The following PBX1 variants were observed in gnomAD, a reference collection of about 807,000 sequenced individuals.
PBX1 encodes pre-B-cell leukemia transcription factor 1.
A neutral mutation model predicts 53.4 loss-of-function variants in PBX1; 6 were observed. That is an observed-to-expected ratio of 0.11 (90% CI 0.06 to 0.22). The LOEUF (loss-of-function observed/expected upper bound fraction) is 0.22, where lower values mean the gene tolerates loss of function less well. PBX1 is among the 10% of genes least tolerant of loss of function. PBX1 has a pLI of 1.00. For synonymous variants in PBX1, 204 were observed against 212.3 expected, an observed-to-expected ratio of 0.96 and a Z score of 0.34; for missense variants, 251 against 551.4, an observed-to-expected ratio of 0.46 and a Z score of 5.46.
intron 2 of PBX1, among the ~76,000 whole-genome samples, chr1:164,692,419 G>C (rs1404921364): frequency 2.6e-5 from 4 of 152,148 alleles, no homozygotes; most frequent in Non-Finnish European, 4.4e-5. Context: ...GAAAGGGAGG[G>C]TGTGAACTAT....
chr1:164,848,614 C>CCAAA lies in PBX1; in HGVS notation c.*1938_*1939insCAAA. On this transcript the variant is annotated 3_prime_UTR_variant, in exon 9 of 9. Coordinates refer to ENST00000420696, the MANE Select transcript of PBX1 (RefSeq NM_002585.4). ...TTCTTGGTTTTGGTCTGTCTCTTTT[C>CCAAA]TTAGGATAAAGAAAAACTTCCAAAC... 38 of 1,057,330 alleles carry CCAAA rather than the reference C, an allele frequency of 3.6e-5. No individual in the cohort carries two copies. Among genetic ancestry groups the CCAAA allele is most frequent in the Non-Finnish European group, 4.2e-5 (37 of 874,360 alleles). 65.5% of individuals were successfully genotyped at this position (1,057,330 alleles called of 1,614,324 possible). A position where few individuals can be genotyped will look rare whatever the true frequency, so the allele number is the denominator to read the frequency against.
rs545565442 is a variant in PBX1 at position 164,811,980 on chromosome 1, A to C, written c.838-10A>C. The C allele has an allele frequency of 6.2e-7, 1 of 1,605,596 alleles. No homozygotes were observed. The highest frequency in any genetic ancestry group is 1.3e-5 in the African/African-American group (1 of 74,688). ...TGTGAACTTTCTCATCTTCTCTTAA[A>C]CTACTCTAGGTATCAAACTGGTTTG... is the stretch of plus-strand genomic sequence containing the variant. On this transcript the variant is annotated splice_polypyrimidine_tract_variant and intron_variant, in intron 5 of 8. Coordinates refer to ENST00000420696, the MANE Select transcript of PBX1 (RefSeq NM_002585.4).
intron 2 of PBX1, among the ~76,000 whole-genome samples, chr1:164,590,060 T>G (rs531743688): frequency 4.6e-4 from 69 of 151,544 alleles, no homozygotes; most frequent in Non-Finnish European, 8.4e-4. Context: ...GTAATAATAA[T>G]AAGACATCCA....
At chr1:164,571,879 A>ATG (rs1332359387) in intron 2 of PBX1, among the ~76,000 whole-genome samples, 2 of 76,244 alleles carry the variant, frequency 2.6e-5, no homozygotes, top group East Asian at 1.9e-3. Flanking sequence ...CATTGTATAT[A>ATG]TATATATATA....
intron 2 of PBX1, among the ~76,000 whole-genome samples, chr1:164,858,275 G>T (rs1000059126): frequency 6.6e-6 from 1 of 152,048 alleles, no homozygotes; most frequent in East Asian, 1.9e-4. Flanking sequence ...TAGGGACAAA[G>T]AGTCCAAGTA....
chr1:164,698,999 C>T (rs866962500), intron 2 of PBX1, among the ~76,000 whole-genome samples: 1 of 152,174 alleles, frequency 6.6e-6, no homozygotes, highest in South Asian at 2.1e-4. Flanking sequence ...ACTACAACCT[C>T]AGAAGAGGGG....
chr1:164,810,433 G>T (rs1405292510), intron 5 of PBX1, among the ~76,000 whole-genome samples: 3 of 152,068 alleles, frequency 2.0e-5, no homozygotes, highest in Non-Finnish European at 2.9e-5. Flanking sequence ...ATTTAGAAGG[G>T]TATCATTCCC....
At position 164,847,445 on chromosome 1, in the gene PBX1, A is replaced by T; in HGVS notation, c.*769A>T. 8 of 1,063,608 alleles carry T rather than the reference A, an allele frequency of 7.5e-6. No homozygotes were observed. Among genetic ancestry groups the T allele is most frequent in the Non-Finnish European group, 9.1e-6 (8 of 878,180 alleles). 65.9% of individuals were successfully genotyped at this position (1,063,608 alleles called of 1,614,324 possible). ...TTCCTACAGTCTTTCTTACCCTGCT[A>T]GCAATAGCTCTCAGTTTCAGAGGCA... On this transcript the variant is annotated 3_prime_UTR_variant, in exon 9 of 9. Coordinates refer to ENST00000420696, the MANE Select transcript of PBX1 (RefSeq NM_002585.4).
chr1:164,771,236 C>G (rs1417494852), intron 2 of PBX1: 1 of 152,006 alleles, frequency 6.6e-6, no homozygotes, highest in Admixed American at 6.6e-5. Flanking sequence ...TTTCTTGCAA[C>G]AAAATGAGAA....
At chr1:164,761,810 C>CT (rs573057601) in intron 2 of PBX1, among the ~76,000 whole-genome samples, 263 of 152,230 alleles carry the variant, frequency 1.7e-3, no homozygotes, top group African/African-American at 6.2e-3. Context: ...CAGGCTATAC[C>CT]TTTATTTGGA....
At position 164,849,042 on chromosome 1, in the gene PBX1, G is replaced by A; in HGVS notation, c.*2366G>A. On this transcript the variant is annotated 3_prime_UTR_variant, in exon 9 of 9. Coordinates refer to ENST00000420696, the MANE Select transcript of PBX1 (RefSeq NM_002585.4). ...GACAACTTCATAGTGATTAGAATCA[G>A]TGGAGAACTCCATCTTAGTGGCAGG... The A allele has an allele frequency of 7.9e-7, 1 of 1,260,336 alleles. No individual in the cohort carries two copies. The highest frequency in any genetic ancestry group is 1.0e-6 in the Non-Finnish European group (1 of 995,588). 78.1% of individuals were successfully genotyped at this position (1,260,336 alleles called of 1,614,324 possible).
At chr1:164,572,668 C>A (rs1653956401) in intron 2 of PBX1, among the ~76,000 whole-genome samples, 1 of 152,066 alleles carries the variant, frequency 6.6e-6, no homozygotes, top group Admixed American at 6.6e-5. Flanking sequence ...TTTAACAGAG[C>A]TTCAGTGTTC....
intron 2 of PBX1, among the ~76,000 whole-genome samples, chr1:164,599,410 G>C (rs1323078769): frequency 6.6e-6 from 1 of 151,242 alleles, no homozygotes; most frequent in Non-Finnish European, 1.5e-5. Flanking sequence ...ATCTGCAATT[G>C]TGGGCGCATA....
Position 164,849,573 on chromosome 1 carries a change from A to G in PBX1, c.*2897A>G, listed in dbSNP as rs1671733407. The G allele has an allele frequency of 2.0e-6, 2 of 998,154 alleles. No homozygotes were observed. The highest frequency in any genetic ancestry group is 2.8e-6 in the Non-Finnish European group (2 of 705,710). The allele number at this position is 998,154 out of a possible 1,614,324, so 61.8% of individuals were successfully genotyped here. A position where few individuals can be genotyped will look rare whatever the true frequency, so the allele number is the denominator to read the frequency against. Reference sequence around the variant, plus strand: ...TTTCTAATAGATGTGGGAGTGCTCCATTTTCCCCGACAGCGAATTTCCCCT... The same window carrying G: ...TTTCTAATAGATGTGGGAGTGCTCCGTTTTCCCCGACAGCGAATTTCCCCT... On this transcript the variant is annotated 3_prime_UTR_variant, in exon 9 of 9. Transcript: ENST00000420696.
At chr1:164,781,043 C>T (rs952693573) in intron 2 of PBX1, among the ~76,000 whole-genome samples, 4 of 152,128 alleles carry the variant, frequency 2.6e-5, no homozygotes, top group South Asian at 4.1e-4. Context: ...AAGGACAGCA[C>T]GAGTGACTCA....
At chr1:164,758,560 T>C (rs12073029) in intron 2 of PBX1, among the ~76,000 whole-genome samples, 72,296 of 152,016 alleles carry the variant, frequency 0.48, 17,352 homozygotes, top group South Asian at 0.56. Flanking sequence ...AGGTGGAAGC[T>C]GCCTGCCCTC....
At chr1:164,773,876 C>T (rs551453442) in intron 2 of PBX1, among the ~76,000 whole-genome samples, 16 of 152,290 alleles carry the variant, frequency 1.1e-4, no homozygotes, top group South Asian at 2.1e-4. Flanking sequence ...GCAGTGTTAA[C>T]GCAGTGGATC....
At chr1:164,846,401 C>T (rs193040630) in intron 8 of PBX1, among the ~76,000 whole-genome samples, 183 bp from the exon 9 acceptor site, 7 of 152,218 alleles carry the variant, frequency 4.6e-5, no homozygotes, top group African/African-American at 7.2e-5. Flanking sequence ...ACTGGGAGGA[C>T]CCAAACTTAT....
intron 2 of PBX1, among the ~76,000 whole-genome samples, chr1:164,569,507 A>C (rs1159654337): frequency 1.3e-5 from 2 of 149,754 alleles, no homozygotes; most frequent in African/African-American, 4.9e-5. Flanking sequence ...CTCTGATTTT[A>C]TGCTGAAAAG....
Sources: gnomAD v4.1 joint callset for allele counts (sites outside exome capture counted in the v4.1 genomes callset) on GRCh38, gnomAD v4.1.1 for gene constraint, MANE v1.5 for transcripts, NCBI Gene and HGNC (gene_info 2026-07-23, HGNC 2026-07-21) for gene names.